The following INTS6L variants were observed in gnomAD, a reference collection of about 807,000 sequenced individuals.
INTS6L encodes integrator complex subunit 6-like.
Under a neutral mutation model 64.7 loss-of-function variants are expected in INTS6L, and 18 were observed. That is an observed-to-expected ratio of 0.28 (90% CI 0.19 to 0.41). INTS6L has a LOEUF of 0.41. Ranked by LOEUF, INTS6L falls within the 10% of genes least tolerant of loss-of-function variation. INTS6L has a pLI of 1.00. For synonymous variants in INTS6L, 227 were observed against 235.9 expected, an observed-to-expected ratio of 0.96 and a Z score of 0.34; for missense variants, 533 against 661.0, an observed-to-expected ratio of 0.81 and a Z score of 2.12.
At chrX:135,529,781 T>C (rs1556503643) in intron 2 of INTS6L, among the ~76,000 whole-genome samples, 1 of 112,524 alleles carries the variant, frequency 8.9e-6, no homozygotes, top group African/African-American at 3.2e-5. Context: ...GAAATAGCCT[T>C]CAAATAATAG....
intron 11 of INTS6L, chrX:135,571,767 AC>A (rs1252402582): frequency 9.0e-6 from 1 of 111,556 alleles, no homozygotes; most frequent in Non-Finnish European, 1.9e-5. Context: ...AGGCTGTGTC[AC>A]CAAGGTATGG....
chrX:135,537,306 T>C (rs1319447928), intron 2 of INTS6L, among the ~76,000 whole-genome samples: 1 of 112,066 alleles, frequency 8.9e-6, no homozygotes, highest in African/African-American at 3.2e-5. Flanking sequence ...TAGTTGACTA[T>C]GGAAACTTAA....
chrX:135,554,196 A>C (rs1489983093), intron 8 of INTS6L, among the ~76,000 whole-genome samples: 1 of 111,876 alleles, frequency 8.9e-6, no homozygotes, highest in Non-Finnish European at 1.9e-5. Flanking sequence ...AGGAATTTGG[A>C]AAAACTCAAG....
intron 2 of INTS6L, among the ~76,000 whole-genome samples, chrX:135,531,610 C>T (rs2085911732): frequency 8.9e-6 from 1 of 112,202 alleles, no homozygotes; most frequent in Non-Finnish European, 1.9e-5. Context: ...GCTTTGACCA[C>T]TGTACCAGCC....
chrX:135,552,377 A>G (rs1308133093), intron 8 of INTS6L, among the ~76,000 whole-genome samples: 2 of 111,855 alleles, frequency 1.8e-5, no homozygotes, highest in African/African-American at 6.5e-5. Flanking sequence ...TGAAACCTAT[A>G]TATTTGAAGA....
At chrX:135,529,567 C>T (rs371527013) in intron 2 of INTS6L, among the ~76,000 whole-genome samples, 1 of 111,614 alleles carries the variant, frequency 9.0e-6, no homozygotes, top group East Asian at 2.8e-4. Context: ...GAATAAGCAC[C>T]AATGTCTAAT....
intron 2 of INTS6L, among the ~76,000 whole-genome samples, chrX:135,545,161 A>T (rs2086321834): frequency 8.9e-6 from 1 of 112,091 alleles, no homozygotes; most frequent in Non-Finnish European, 1.9e-5. Context: ...CTGAACAGAA[A>T]ACTGGACCTC....
chrX:135,580,129 C>A lies in INTS6L; in HGVS notation c.2461C>A (p.Gln821Lys). 2 of 1,183,484 alleles carry A rather than the reference C, an allele frequency of 1.7e-6. No homozygotes were observed. Among genetic ancestry groups the A allele is most frequent in the Non-Finnish European group, 2.3e-6 (2 of 880,046 alleles). The change falls in exon 16 of 18, where the codon CAA becomes AAA. Residue 821 changes from glutamine to lysine, a missense_variant. Physicochemically the swap from Gln to Lys is moderately conservative, Grantham distance 53. Coordinates refer to ENST00000639893, the MANE Select transcript of INTS6L (RefSeq NM_001351601.3). ...AQGINADIKHQLMKEVRKFGR... is the reference protein window; with the variant it reads ...AQGINADIKHKLMKEVRKFGR... ...AGGAATCAATGCTGATATAAAACATCAATTAATGAAGGAAGTTCGAAAGTT... is the reference window on the plus strand; with the variant it reads ...AGGAATCAATGCTGATATAAAACATAAATTAATGAAGGAAGTTCGAAAGTT...
intron 2 of INTS6L, among the ~76,000 whole-genome samples, chrX:135,543,134 C>G (rs907140512): frequency 9.0e-6 from 1 of 111,363 alleles, no homozygotes; most frequent in African/African-American, 3.3e-5. Flanking sequence ...AGCCTCCCCT[C>G]CACCCCACAA....
chrX:135,573,159 G>A, intron 12 of INTS6L, 126 bp downstream of exon 12: 1 of 562,554 alleles, frequency 1.8e-6, no homozygotes, highest in Non-Finnish European at 2.8e-6. Flanking sequence ...TAATGGACCA[G>A]TTTAGGAATT....
chrX:135,560,931 CTCTT>C (rs368428688), intron 9 of INTS6L, among the ~76,000 whole-genome samples: 78 of 97,587 alleles, frequency 8.0e-4, no homozygotes, highest in African/African-American at 2.7e-3. Context: ...TTCTCAAATG[CTCTT>C]TCTTTTTTTT....
In INTS6L at chrX:135,569,448, A is replaced by C; in HGVS notation, c.1287+17A>C. The C allele has an allele frequency of 1.0e-6, 1 of 991,612 alleles. No individual in the cohort carries two copies. The highest frequency in any genetic ancestry group is 1.4e-6 in the Non-Finnish European group (1 of 735,044). The allele number at this position is 991,612 out of a possible 1,213,427, so 81.7% of individuals were successfully genotyped here. ...TACCTATTAGTATGTATTTGTGTGTATATATGTATTAACTGTATCAATGAT... is the reference window on the plus strand; with the variant it reads ...TACCTATTAGTATGTATTTGTGTGTCTATATGTATTAACTGTATCAATGAT... On this transcript the variant is annotated intron_variant, in intron 10 of 17. Transcript: ENST00000639893.
At chrX:135,536,100 G>A (rs1226190836) in intron 2 of INTS6L, among the ~76,000 whole-genome samples, 1 of 111,746 alleles carries the variant, frequency 8.9e-6, no homozygotes, top group Non-Finnish European at 1.9e-5. Flanking sequence ...CCTAAAACAG[G>A]TCAGTGCAGT....
intron 2 of INTS6L, among the ~76,000 whole-genome samples, chrX:135,522,969 C>T (rs1286416176): frequency 1.2e-4 from 13 of 112,276 alleles, no homozygotes; most frequent in Middle Eastern, 4.6e-3. Context: ...TGTCTACACT[C>T]TTCGACTGCT....
intron 2 of INTS6L, among the ~76,000 whole-genome samples, chrX:135,525,635 A>G (rs782716852): frequency 1.8e-4 from 20 of 112,624 alleles, no homozygotes; most frequent in South Asian, 3.6e-4. Flanking sequence ...AGCTTTTAAA[A>G]TGATATGTGT....
In INTS6L at chrX:135,549,699, G is replaced by A; in HGVS notation, c.800G>A (p.Ser267Asn). 2.5e-6 allele frequency: 3 copies of A among 1,211,849 alleles called. No homozygotes were observed. The highest frequency in any genetic ancestry group is 3.4e-6 in the Non-Finnish European group (3 of 895,367). The part of the protein sequence containing the change: ...SNSFAAQPWH[S>N]CHKLIYVRPN... Reference sequence around the variant, plus strand: ...TCATTTGCTGCTCAGCCATGGCATAGTTGTCATAAACTCATTTATGTACGA... The same window carrying A: ...TCATTTGCTGCTCAGCCATGGCATAATTGTCATAAACTCATTTATGTACGA... The change falls in exon 7 of 18, where the codon AGT becomes AAT. Residue 267 changes from serine to asparagine, a missense_variant. Ser to Asn is a conservative substitution (Grantham distance 46). Transcript: ENST00000639893.
Position 135,551,984 on chromosome X carries a change from T to C in INTS6L, c.907-10T>C, listed in dbSNP as rs782241286. The C allele has an allele frequency of 8.3e-6, 9 of 1,085,728 alleles. No homozygotes were observed. Among genetic ancestry groups the C allele is most frequent in the Middle Eastern group, 2.6e-4 (1 of 3,895 alleles). The allele number at this position is 1,085,728 out of a possible 1,213,427, so 89.5% of individuals were successfully genotyped here. ...CATTTTTTCTGCTTTTTTTAAAAAA[T>C]TTTTTTTAGCCTCCACGAACATCTC... is the stretch of plus-strand genomic sequence containing the variant. On this transcript the variant is annotated splice_polypyrimidine_tract_variant and intron_variant, in intron 7 of 17. Coordinates refer to ENST00000639893, the MANE Select transcript of INTS6L (RefSeq NM_001351601.3).
At chrX:135,526,285 A>T (rs1299141261) in intron 2 of INTS6L, among the ~76,000 whole-genome samples, 1 of 111,626 alleles carries the variant, frequency 9.0e-6, no homozygotes, top group Non-Finnish European at 1.9e-5. Flanking sequence ...ATGAAAAAAA[A>T]ATCCTTCAGT....
In INTS6L at chrX:135,547,124, C is replaced by T; in HGVS notation, c.614-13C>T. On this transcript the variant is annotated splice_polypyrimidine_tract_variant and intron_variant, in intron 5 of 17. Coordinates refer to ENST00000639893, the MANE Select transcript of INTS6L (RefSeq NM_001351601.3). ...GATCAAACTTGTGCTATTTATTTTT[C>T]CTTCTGGGATAGGTCGCTCCTACTG... 3 of 1,200,754 alleles carry T rather than the reference C, an allele frequency of 2.5e-6. No homozygotes were observed. The highest frequency in any genetic ancestry group is 3.4e-6 in the Non-Finnish European group (3 of 891,934).
Sources: gnomAD v4.1 joint callset for allele counts (sites outside exome capture counted in the v4.1 genomes callset) on GRCh38, gnomAD v4.1.1 for gene constraint, MANE v1.5 for transcripts, NCBI Gene and HGNC (gene_info 2026-07-23, HGNC 2026-07-21) for gene names.